The following DNMT3A variants were observed in gnomAD, a reference collection of about 807,000 sequenced individuals.
DNMT3A encodes DNA (cytosine-5)-methyltransferase 3A.
In DNMT3A, 267 loss-of-function variants were observed where a neutral mutation model predicts 117.6. The observed-to-expected ratio is 2.27, with a 90% CI of 2.05 to 2.51. DNMT3A has a LOEUF of 2.51. Ranked by LOEUF, DNMT3A falls within the 30% of genes most tolerant of loss-of-function variation. The pLI, the probability that DNMT3A is intolerant of heterozygous loss-of-function variation, is 0.00. For synonymous variants in DNMT3A, 432 were observed against 474.8 expected (o/e 0.91, Z 1.17); for missense variants, 1,029 against 1,260.2 (o/e 0.82, Z 2.78).
chr2:25,241,419 G>C, intron 17 of DNMT3A, 143 bp downstream of exon 17: 1 of 1,175,856 alleles, frequency 8.5e-7, no homozygotes. Flanking sequence ...GAGGACAAAT[G>C]GAAGATAAGG....
At chr2:25,271,391 C>T (rs1292992877) in intron 6 of DNMT3A, among the ~76,000 whole-genome samples, 1 of 152,208 alleles carries the variant, frequency 6.6e-6, no homozygotes, top group Admixed American at 6.6e-5. Context: ...ATAGCAACAG[C>T]TACTACTCTT....
At chr2:25,259,117 T>C (rs1397855657) in intron 6 of DNMT3A, among the ~76,000 whole-genome samples, 1 of 152,218 alleles carries the variant, frequency 6.6e-6, no homozygotes, top group Non-Finnish European at 1.5e-5. Flanking sequence ...GCCCAATAGA[T>C]GCGCCATCAG....
At chr2:25,302,422 C>G (rs2033570755) in intron 2 of DNMT3A, among the ~76,000 whole-genome samples, 1 of 152,204 alleles carries the variant, frequency 6.6e-6, no homozygotes, top group Admixed American at 6.5e-5. Context: ...ATTTAAGGAG[C>G]ACAGCAGAGG....
At position 25,234,442 on chromosome 2, in the gene DNMT3A, G is replaced by A. The variant is rs1573292310; in HGVS notation, c.2598-22C>T. The A allele has an allele frequency of 1.2e-6, 2 of 1,607,096 alleles. No individual in the cohort carries two copies. The highest frequency in any genetic ancestry group is 4.5e-5 in the East Asian group (2 of 44,602). ...TACCCTGGGGGAGAAAAGGCAGAGA[G>A]GGCAGGGTGAGTGCTGGCCAGACCA... On this transcript the variant is annotated intron_variant, in intron 22 of 22. Transcript: ENST00000321117. The surrounding 1 kb of genome is among the most constrained non-coding windows in gnomAD (Gnocchi z 4.5).
chr2:25,251,096 C>A (rs1003570169), intron 6 of DNMT3A, among the ~76,000 whole-genome samples: 6 of 116,964 alleles, frequency 5.1e-5, no homozygotes, highest in Non-Finnish European at 8.8e-5. Flanking sequence ...TAAGGGCTGG[C>A]GGAGGAGGAA....
chr2:25,277,259 C>T (rs1366814159), intron 4 of DNMT3A, among the ~76,000 whole-genome samples: 1 of 152,218 alleles, frequency 6.6e-6, no homozygotes, highest in Non-Finnish European at 1.5e-5. Context: ...TCCTTTCCGT[C>T]CTCTCTCCCA....
In DNMT3A at chr2:25,247,960, G is replaced by A. The variant is rs1675032206; in HGVS notation, c.855+77C>T. The A allele has an allele frequency of 7.5e-6, 12 of 1,593,436 alleles. No individual in the cohort carries two copies. The highest frequency in any genetic ancestry group is 1.0e-5 in the Non-Finnish European group (12 of 1,169,438). ...GAGCGGCCCGTGGGAGATGGAGAGA[G>A]GAGAGCAGGACGGGAGGAGCTGGCA... On this transcript the variant is annotated intron_variant, in intron 7 of 22. Transcript: ENST00000321117. This position sits in a 1 kb window ranked among gnomAD's most constrained non-coding sequence, Gnocchi z 5.6.
At chr2:25,280,938 G>A (rs1197241851) in intron 4 of DNMT3A, among the ~76,000 whole-genome samples, 3 of 152,182 alleles carry the variant, frequency 2.0e-5, no homozygotes, top group Non-Finnish European at 4.4e-5. Flanking sequence ...TAGCAGCTCG[G>A]CAGGAGTCAT....
chr2:25,329,671 CCCCA>C (rs1336612059), intron 1 of DNMT3A, among the ~76,000 whole-genome samples: 97 of 95,212 alleles, frequency 1.0e-3, no homozygotes, highest in African/African-American at 1.7e-3. Context: ...GTCATGCAGA[CCCCA>C]CACACACACA....
intron 3 of DNMT3A, among the ~76,000 whole-genome samples, chr2:25,292,546 T>C (rs2032834033): frequency 6.6e-6 from 1 of 152,122 alleles, no homozygotes; most frequent in South Asian, 2.1e-4. Context: ...AAATTTCTAA[T>C]GGGTGTCCTC....
intron 3 of DNMT3A, among the ~76,000 whole-genome samples, chr2:25,283,339 C>T (rs934117664): frequency 2.9e-5 from 4 of 138,822 alleles, no homozygotes; most frequent in African/African-American, 1.1e-4. Context: ...TCCAGCCTTG[C>T]GACAGAGCAA....
In DNMT3A at chr2:25,248,857, G is replaced by GT. The variant is rs944810532; in HGVS notation, c.640-606dup. Among the ~76,000 whole-genome samples the GT allele has an allele frequency of 2.1e-3, 314 of 149,028 alleles. 1 individual carries two copies. Among genetic ancestry groups the GT allele is most frequent in the Middle Eastern group, 6.8e-3 (2 of 294 alleles). On this transcript the variant is annotated intron_variant, in intron 6 of 22. Coordinates refer to ENST00000321117, the MANE Select transcript of DNMT3A (RefSeq NM_022552.5). ...GCCACTGTGTCTAGCCTACGTTAAT[G>GT]TTTTTTTTTTAATTTTATTATTATT...
intron 6 of DNMT3A, among the ~76,000 whole-genome samples, chr2:25,248,795 G>A (rs1573345749): frequency 1.3e-5 from 2 of 152,144 alleles, no homozygotes; most frequent in African/African-American, 4.8e-5. Context: ...TGATTTGCCC[G>A]CCTCAGCCTC....
At position 25,339,062 on chromosome 2, in the gene DNMT3A, C is replaced by T. The variant is rs929715276; in HGVS notation, c.-178+2764G>A. ...CTTGCAGGGACCCTCCTCACACTGC[C>T]TCTCCTTCCCAAGGCCCAACTCGCT... On this transcript the variant is annotated intron_variant, in intron 1 of 22. Coordinates refer to ENST00000321117, the MANE Select transcript of DNMT3A (RefSeq NM_022552.5). This position sits in a 1 kb window ranked among gnomAD's most constrained non-coding sequence, Gnocchi z 4.9. 6.6e-6 allele frequency among the ~76,000 whole-genome samples: 1 copy of T among 152,044 alleles called. No homozygotes were observed. Among genetic ancestry groups the T allele is most frequent in the Admixed American group, 6.5e-5 (1 of 15,276 alleles).
At chr2:25,259,237 T>G (rs1676407660) in intron 6 of DNMT3A, among the ~76,000 whole-genome samples, 2 of 152,328 alleles carry the variant, frequency 1.3e-5, no homozygotes, top group South Asian at 2.1e-4. Flanking sequence ...CCCGCTATCC[T>G]GGAACTGCTG....
intron 2 of DNMT3A, among the ~76,000 whole-genome samples, chr2:25,302,255 G>A (rs1253848274): frequency 6.6e-6 from 1 of 152,160 alleles, no homozygotes; most frequent in Non-Finnish European, 1.5e-5. Context: ...GCAAGGAAGG[G>A]GAGGGCTGCC....
intron 6 of DNMT3A, among the ~76,000 whole-genome samples, chr2:25,258,623 G>A (rs1314424515): frequency 6.6e-6 from 1 of 152,204 alleles, no homozygotes; most frequent in Admixed American, 6.5e-5. Flanking sequence ...AAGACAGCAT[G>A]CAATTAGATG....
rs2035253557 is a variant in DNMT3A at position 25,337,389 on chromosome 2, GCTCCCGCTCCTCTA to G, written c.-178+4423_-178+4436del. 6.6e-6 allele frequency among the ~76,000 whole-genome samples: 1 copy of G among 152,152 alleles called. No homozygotes were observed. The highest frequency in any genetic ancestry group is 2.1e-4 in the South Asian group (1 of 4,822). ...GAAAACAGACACAGCTAACAGGAGG[GCTCCCGCTCCTCTA>G]AGGCTGTAACGCACATGATCTCACT... On this transcript the variant is annotated intron_variant, in intron 1 of 22. Transcript: ENST00000321117. This position sits in a 1 kb window ranked among gnomAD's most constrained non-coding sequence, Gnocchi z 5.0.
At chr2:25,300,088 A>G (rs757590852) in intron 3 of DNMT3A, 51 bp downstream of exon 3, 15 of 1,580,724 alleles carry the variant, frequency 9.5e-6, no homozygotes, top group Non-Finnish European at 1.2e-5. Flanking sequence ...CAGGCCAGGC[A>G]CGTGTGTGTT....
Sources: allele counts gnomAD v4.1 joint callset (sites outside exome capture counted in the v4.1 genomes callset), GRCh38; gene constraint gnomAD v4.1.1; non-coding constraint Gnocchi (gnomAD v3.1); transcripts MANE v1.5; gene names NCBI Gene and HGNC (gene_info 2026-07-23, HGNC 2026-07-21).